Variants in DOCK3 observed in about 807,000 individuals in gnomAD.
The protein encoded by DOCK3 is dedicator of cytokinesis 3, also known as dedicator of cytokinesis protein 3.
Under a neutral mutation model 265.6 loss-of-function variants are expected in DOCK3, and 60 were observed. That is an observed-to-expected ratio of 0.23 (90% CI 0.18 to 0.28). The LOEUF is 0.28. Among genes scored for constraint, DOCK3 ranks in the 10% least tolerant of loss-of-function variants. DOCK3 has a pLI of 1.00. For missense variants in DOCK3, 1,981 were observed against 2,594.3 expected, an observed-to-expected ratio of 0.76 and a Z score of 5.14; for synonymous variants, 881 against 938.0, an observed-to-expected ratio of 0.94 and a Z score of 1.11.
At chr3:51,041,162 G>GTGTGTGTA (rs1449167574) in intron 5 of DOCK3, among the ~76,000 whole-genome samples, 1 of 30,860 alleles carries the variant, frequency 3.2e-5, no homozygotes, top group Non-Finnish European at 7.1e-5. Flanking sequence ...CTTACAAAAT[G>GTGTGTGTA]TATATATATA....
chr3:51,358,671 C>G (rs1312236886), intron 46 of DOCK3, among the ~76,000 whole-genome samples: 2 of 152,212 alleles, frequency 1.3e-5, no homozygotes, highest in South Asian at 2.1e-4. Context: ...GCAGTACTTT[C>G]ATGCTAGCAG....
intron 32 of DOCK3, among the ~76,000 whole-genome samples, chr3:51,329,489 G>A (rs1560446596): frequency 6.6e-6 from 1 of 152,146 alleles, no homozygotes; most frequent in Admixed American, 6.5e-5. Flanking sequence ...CAAATCCGTG[G>A]GGTAGGAACA....
At chr3:50,748,456 A>T (rs2039591661) in intron 1 of DOCK3, among the ~76,000 whole-genome samples, 1 of 152,244 alleles carries the variant, frequency 6.6e-6, no homozygotes. Flanking sequence ...TTCTCTCTAG[A>T]GAGCAAAGAC....
chr3:51,045,287 AG>A (rs1348060814), intron 5 of DOCK3, among the ~76,000 whole-genome samples: 1 of 152,148 alleles, frequency 6.6e-6, no homozygotes, highest in Non-Finnish European at 1.5e-5. Flanking sequence ...GGAGAGGGAA[AG>A]AGATAGGGGA....
In DOCK3 at chr3:51,348,829, C is replaced by G. The variant is rs1221800086; in HGVS notation, c.3916-23C>G. ...CTATTCTGAAGATGAGATGCTGAAG[C>G]CCTGTTTCTGTTTCTGACACAGAGC... On this transcript the variant is annotated intron_variant, in intron 38 of 52. Coordinates refer to ENST00000266037, the MANE Select transcript of DOCK3 (RefSeq NM_004947.5). The G allele has an allele frequency of 1.9e-6, 3 of 1,558,604 alleles. No individual in the cohort carries two copies. In the African/African-American group the frequency reaches 4.1e-5, roughly 21 times the overall value.
chr3:50,977,486 G>T (rs1468055173), intron 5 of DOCK3, among the ~76,000 whole-genome samples: 1 of 152,102 alleles, frequency 6.6e-6, no homozygotes, highest in African/African-American at 2.4e-5. Context: ...CTGTCTTCTG[G>T]CTTGTAGGGT....
rs573176820 is a variant in DOCK3 at position 50,958,148 on chromosome 3, T to C, written c.315+24071T>C. 2.6e-5 allele frequency among the ~76,000 whole-genome samples: 4 copies of C among 152,366 alleles called. No individual in the cohort carries two copies. In the South Asian group the frequency reaches 8.3e-4, roughly 32 times the overall value. On this transcript the variant is annotated intron_variant, in intron 5 of 52. Transcript: ENST00000266037. Reference sequence around the variant, plus strand: ...GATATTCACCTCCTCGGATAAGATTTAGTTTGTTTCTTCCTCCAAACTATT... The same window carrying C: ...GATATTCACCTCCTCGGATAAGATTCAGTTTGTTTCTTCCTCCAAACTATT...
At chr3:51,182,693 GTGTA>G (rs2087371539) in intron 12 of DOCK3, among the ~76,000 whole-genome samples, 1 of 152,164 alleles carries the variant, frequency 6.6e-6, no homozygotes, top group African/African-American at 2.4e-5. Context: ...CCTCCAAATG[GTGTA>G]ATGAGAGGTT....
intron 2 of DOCK3, among the ~76,000 whole-genome samples, chr3:50,825,090 T>C (rs1180007371): frequency 6.6e-6 from 1 of 152,216 alleles, no homozygotes; most frequent in Non-Finnish European, 1.5e-5. Context: ...ATTTGGAATT[T>C]CCCTCAGAGT....
intron 1 of DOCK3, among the ~76,000 whole-genome samples, chr3:50,757,947 G>C (rs1024301448): frequency 6.6e-6 from 1 of 151,776 alleles, no homozygotes; most frequent in South Asian, 2.1e-4. Flanking sequence ...AGGCTGAGGC[G>C]GGCAGATCAC....
intron 21 of DOCK3, among the ~76,000 whole-genome samples, chr3:51,244,382 A>G (rs1251590385): frequency 6.6e-6 from 1 of 152,152 alleles, no homozygotes; most frequent in Admixed American, 6.5e-5. Context: ...TCTTTAAGCA[A>G]CATGTATAAA....
chr3:51,211,271 G>A (rs1231199772), intron 13 of DOCK3, among the ~76,000 whole-genome samples: 1 of 152,050 alleles, frequency 6.6e-6, no homozygotes, highest in Non-Finnish European at 1.5e-5. Context: ...TCCAATAAGA[G>A]GTTCAGTAAG....
chr3:51,157,473 T>G (rs2085908282), intron 10 of DOCK3, among the ~76,000 whole-genome samples: 1 of 152,184 alleles, frequency 6.6e-6, no homozygotes, highest in Non-Finnish European at 1.5e-5. Flanking sequence ...CTCGAACTCC[T>G]GACCTCAAGC....
chr3:51,108,544 C>A (rs2083385401), intron 9 of DOCK3, among the ~76,000 whole-genome samples: 1 of 152,124 alleles, frequency 6.6e-6, no homozygotes, highest in South Asian at 2.1e-4. Flanking sequence ...TCACTACTAA[C>A]CTTGGATGTA....
intron 5 of DOCK3, among the ~76,000 whole-genome samples, chr3:51,054,928 T>A (rs975706072): frequency 1.1e-4 from 17 of 152,206 alleles, no homozygotes; most frequent in Non-Finnish European, 2.4e-4. Context: ...CCAATATCTA[T>A]TTTTCTGATT....
At chr3:50,724,824 T>TA (rs2037713266) in intron 1 of DOCK3, among the ~76,000 whole-genome samples, 1 of 151,952 alleles carries the variant, frequency 6.6e-6, no homozygotes, top group Non-Finnish European at 1.5e-5. Flanking sequence ...ACCCCAGACT[T>TA]AAAGTATATA....
chr3:51,121,311 A>G (rs1040070661), intron 9 of DOCK3, among the ~76,000 whole-genome samples: 13 of 152,198 alleles, frequency 8.5e-5, no homozygotes, highest in South Asian at 8.3e-4. Flanking sequence ...CTCGCCCTCC[A>G]TGGGCTACAC....
intron 1 of DOCK3, among the ~76,000 whole-genome samples, chr3:50,693,381 T>A (rs574301592): frequency 1.2e-4 from 18 of 152,098 alleles, no homozygotes; most frequent in Non-Finnish European, 2.2e-4. Flanking sequence ...TTTATTTAGG[T>A]CTTTAATTTC....
At chr3:50,731,327 T>C (rs2038196860) in intron 1 of DOCK3, among the ~76,000 whole-genome samples, 1 of 152,138 alleles carries the variant, frequency 6.6e-6, no homozygotes, top group South Asian at 2.1e-4. Context: ...ACTGTACATT[T>C]GTTCAAGTCC....
Sources: allele counts gnomAD v4.1 joint callset (sites outside exome capture counted in the v4.1 genomes callset), GRCh38; gene constraint gnomAD v4.1.1; transcripts MANE v1.5; gene names NCBI Gene and HGNC (gene_info 2026-07-23, HGNC 2026-07-21).